Variants in XIST observed in about 807,000 individuals in gnomAD.
XIST encodes the protein X inactive specific transcript (non-protein coding).
exon 6 of XIST, chrX:73,822,236 A>G (rs1306184457): frequency 1.8e-6 from 1 of 558,418 alleles, no homozygotes; most frequent in East Asian, 3.3e-5. Context: ...TGAAGTGTCT[A>G]TTATAAGGAG....
chrX:73,828,397 CACAA>C (rs1366565567), intron 5 of XIST: 3 of 127,745 alleles, frequency 2.3e-5, no homozygotes, highest in African/African-American at 9.7e-5. Flanking sequence ...ATTTAACCCT[CACAA>C]ACAGAGAAGT....
In XIST at chrX:73,852,105, TAAAA is replaced by T. The variant is rs36033063; in HGVS notation, n.615_618del. On this transcript the variant is annotated non_coding_transcript_exon_variant, in exon 1 of 6. Coordinates refer to ENST00000429829, the Ensembl canonical transcript of XIST. ...CGAGGCCCCGATGGGCAAGGAAAAATAAAAAAAAAAAAAGCAGGTATCCGAAGCC... is the reference window on the plus strand; with the variant it reads ...CGAGGCCCCGATGGGCAAGGAAAAATAAAAAAAAAGCAGGTATCCGAAGCC... The T allele has an allele frequency of 1.5e-4, 64 of 431,727 alleles. 2 individuals are homozygous for T. The highest frequency in any genetic ancestry group is 1.1e-3 in the South Asian group (38 of 35,014). 35.6% of individuals were successfully genotyped at this position (431,727 alleles called of 1,213,427 possible). A position where few individuals can be genotyped will look rare whatever the true frequency, so the allele number is the denominator to read the frequency against.
At chrX:73,851,121 T>C (rs757043110) in exon 1 of XIST, 2 of 559,393 alleles carry the variant, frequency 3.6e-6, no homozygotes. Flanking sequence ...TCCACCCCCA[T>C]TTCTAATTGG....
chrX:73,849,791 G>T (rs1190672783), exon 1 of XIST: 1 of 516,149 alleles, frequency 1.9e-6, no homozygotes. Flanking sequence ...AAATTAGAGT[G>T]ACTTTCGAGA....
At chrX:73,852,481 A>G in exon 1 of XIST, 1 of 548,986 alleles carries the variant, frequency 1.8e-6, no homozygotes, top group Non-Finnish European at 3.3e-6. Flanking sequence ...TTAAATATTA[A>G]AAATTGCCTC....
intron 5 of XIST, chrX:73,827,985 C>T (rs751813571): frequency 5.2e-5 from 26 of 501,908 alleles, no homozygotes; most frequent in Non-Finnish European, 6.7e-5. Context: ...GAAATACACA[C>T]TTGAGTGCAA....
chrX:73,845,026 G>A lies in XIST; in HGVS notation n.7698C>T, dbSNP rs1922705738. 1.1e-5 allele frequency: 6 copies of A among 556,489 alleles called. No homozygotes were observed. The East Asian group carries it at 1.3e-4, about 12-fold the overall frequency. The allele number at this position is 556,489 out of a possible 1,213,427, so 45.9% of individuals were successfully genotyped here. ...TTAACAGGCCAGGAAGAGGGGCCTT[G>A]GTTATCAGCACACCTACTGTACTGC... On this transcript the variant is annotated non_coding_transcript_exon_variant, in exon 1 of 6. Coordinates refer to ENST00000429829, the Ensembl canonical transcript of XIST.
chrX:73,849,776 A>C, exon 1 of XIST: 1 of 539,380 alleles, frequency 1.9e-6, no homozygotes, highest in Non-Finnish European at 3.3e-6. Context: ...GCACTGAATC[A>C]ATGAAAATTA....
exon 1 of XIST, chrX:73,843,527 T>A (rs1391300067): frequency 7.2e-6 from 4 of 557,297 alleles, no homozygotes; most frequent in Non-Finnish European, 9.7e-6. Context: ...TCATTCATAA[T>A]TAACATGCCC....
chrX:73,844,885 G>A, exon 1 of XIST: 1 of 389,382 alleles, frequency 2.6e-6, no homozygotes. Flanking sequence ...CAAATGTAAG[G>A]TTCTTATGGA....
exon 1 of XIST, chrX:73,850,621 G>A (rs374112933): frequency 7.9e-5 from 40 of 505,255 alleles, no homozygotes; most frequent in Non-Finnish European, 1.3e-4. Flanking sequence ...TCACCACCAT[G>A]TCCACACCAA....
At chrX:73,822,690 T>C (rs1278293960) in exon 6 of XIST, 1 of 538,628 alleles carries the variant, frequency 1.9e-6, no homozygotes, top group Non-Finnish European at 3.3e-6. Flanking sequence ...ATTTTTGTGT[T>C]TTTGTTGCAT....
At chrX:73,850,970 C>G (rs753313142) in exon 1 of XIST, 2 of 559,145 alleles carry the variant, frequency 3.6e-6, no homozygotes, top group South Asian at 2.2e-5. Context: ...GAGACATACA[C>G]GTGGCCCCTC....
chrX:73,836,413 T>C (rs1422814084), intron 2 of XIST, among the ~76,000 whole-genome samples: 2 of 111,364 alleles, frequency 1.8e-5, no homozygotes, highest in Non-Finnish European at 3.8e-5. Context: ...ACTACCGTAA[T>C]ATTAACAGAA....
chrX:73,848,252 A>T (rs1270961992), exon 1 of XIST: 6 of 555,884 alleles, frequency 1.1e-5, no homozygotes, highest in Non-Finnish European at 1.6e-5. Context: ...AGGGGATGAG[A>T]CCCCAGACTA....
chrX:73,851,577 A>T (rs1290613047), exon 1 of XIST: 1 of 558,993 alleles, frequency 1.8e-6, no homozygotes, highest in Non-Finnish European at 3.2e-6. Context: ...CCTGCACCTT[A>T]GTCTTTCCTA....
rs773637148 is a variant in XIST at position 73,851,934 on chromosome X, A to T, written n.790T>A. ...CACCAAATGATCAGCAGCAAAAAAA[A>T]GTGTAGATATTCCAGAGAGTGCAAC... On this transcript the variant is annotated non_coding_transcript_exon_variant, in exon 1 of 6. Transcript: ENST00000429829. The T allele has an allele frequency of 1.4e-5, 8 of 556,291 alleles. No homozygotes were observed. The Middle Eastern group carries it at 9.2e-4, about 64-fold the overall frequency. 45.8% of individuals were successfully genotyped at this position (556,291 alleles called of 1,213,427 possible).
exon 1 of XIST, chrX:73,847,686 T>C (rs753452087): frequency 3.7e-6 from 2 of 534,741 alleles, no homozygotes. Context: ...TCTTAGACAA[T>C]TGAAATCAAT....
chrX:73,842,046 C>A, exon 1 of XIST: 1 of 550,115 alleles, frequency 1.8e-6, no homozygotes, highest in Non-Finnish European at 3.3e-6. Flanking sequence ...ATCCACAGAC[C>A]CACCACCCTC....
Sources: allele counts gnomAD v4.1 joint callset (sites outside exome capture counted in the v4.1 genomes callset), GRCh38; gene constraint gnomAD v4.1.1; transcripts MANE v1.5; gene names NCBI Gene and HGNC (gene_info 2026-07-23, HGNC 2026-07-21).